The following LAS1L variants were observed in gnomAD, a reference collection of about 807,000 sequenced individuals.
The protein encoded by LAS1L is ribosomal biogenesis protein LAS1L.
In LAS1L, 5 loss-of-function variants were observed where a neutral mutation model predicts 57.3. The ratio of observed to expected loss-of-function variants is 0.09; its 90% CI spans 0.05 to 0.18. The LOEUF (loss-of-function observed/expected upper bound fraction) is 0.18. LAS1L is among the 10% of genes least tolerant of loss of function. LAS1L has a pLI of 1.00. For synonymous variants in LAS1L, 245 were observed against 231.7 expected, an observed-to-expected ratio of 1.06 and a Z score of -0.52; for missense variants, 360 against 568.3, an observed-to-expected ratio of 0.63 and a Z score of 3.73.
chrX:65,517,892 C>A, intron 12 of LAS1L, 95 bp downstream of exon 12: 3 of 1,102,016 alleles, frequency 2.7e-6, no homozygotes, highest in Non-Finnish European at 3.6e-6. Flanking sequence ...CATTGGCTAC[C>A]TCCTGCTACT....
At chrX:65,530,652 C>CA (rs774607692) in intron 4 of LAS1L, among the ~76,000 whole-genome samples, 38 of 98,705 alleles carry the variant, frequency 3.8e-4, no homozygotes, top group East Asian at 1.2e-3. Flanking sequence ...ACTAAAAATA[C>CA]AAAAAAAAAA....
At chrX:65,527,104 C>A (rs998352442) in intron 7 of LAS1L, among the ~76,000 whole-genome samples, 6 of 101,361 alleles carry the variant, frequency 5.9e-5, no homozygotes, top group African/African-American at 1.1e-4. Context: ...CCCAGCTTCT[C>A]GGGGAGGCTG....
intron 13 of LAS1L, 140 bp from the exon 14 acceptor site, chrX:65,513,041 G>GA: frequency 1.6e-6 from 1 of 631,761 alleles, no homozygotes. Flanking sequence ...GCAAATCCGA[G>GA]AAACGACTTC....
chrX:65,515,600 G>C (rs980582938), intron 12 of LAS1L, among the ~76,000 whole-genome samples: 2 of 109,993 alleles, frequency 1.8e-5, no homozygotes, highest in African/African-American at 6.6e-5. Flanking sequence ...TGCAGTTCTT[G>C]CCCCAAGATG....
intron 7 of LAS1L, 120 bp downstream of exon 7, chrX:65,528,140 G>T: frequency 2.1e-6 from 1 of 485,963 alleles, no homozygotes; most frequent in Non-Finnish European, 3.6e-6. Context: ...AGGGGATCAG[G>T]ATTATCCCTG....
chrX:65,534,389 G>T, intron 1 of LAS1L, 91 bp downstream of exon 1: 1 of 684,283 alleles, frequency 1.5e-6, no homozygotes, highest in South Asian at 2.8e-5. Context: ...CTTAGGGGAA[G>T]ACTGGAGAAC....
intron 11 of LAS1L, chrX:65,518,966 C>A (rs899886911): frequency 1.3e-6 from 1 of 751,831 alleles, no homozygotes; most frequent in Non-Finnish European, 1.6e-6. Context: ...AAACTGTGAT[C>A]CCTTTATGGG....
chrX:65,522,490 C>G (rs937489450), intron 11 of LAS1L: 2 of 110,920 alleles, frequency 1.8e-5, no homozygotes, highest in African/African-American at 6.6e-5. Flanking sequence ...CTCAGCTACC[C>G]GGGCTGAGGA....
rs148898381 is a variant in LAS1L at position 65,520,125 on chromosome X, G to A, written c.1449-1660C>T. Among the ~76,000 whole-genome samples, 254 of 111,590 alleles carry A rather than the reference G, an allele frequency of 2.3e-3. 2 individuals are homozygous for A. Among genetic ancestry groups the A allele is most frequent in the African/African-American group, 7.8e-3 (241 of 30,729 alleles). On this transcript the variant is annotated intron_variant, in intron 11 of 13. Coordinates refer to ENST00000374811, the MANE Select transcript of LAS1L (RefSeq NM_031206.7). ...TTAGTCTGACCACTAAGGTGCGGGG[G>A]TGATGCGAATCTTAAAATACACCCC... is the stretch of plus-strand genomic sequence containing the variant.
At chrX:65,533,924 G>A (rs894707804) in intron 1 of LAS1L, among the ~76,000 whole-genome samples, 189 bp from the exon 2 acceptor site, 9 of 111,880 alleles carry the variant, frequency 8.0e-5, no homozygotes, top group African/African-American at 2.9e-4. Flanking sequence ...AGGGCATGAG[G>A]AGCTGACTAG....
rs746183638 is a variant in LAS1L at position 65,534,664 on chromosome X, G to T, written c.52C>A (p.Leu18Ile). Residue 18 changes from leucine (L) to isoleucine (I), a missense_variant, in exon 1 of 14, where the codon CTC becomes ATC. Physicochemically the swap from Leu to Ile is conservative, Grantham distance 5. Transcript: ENST00000374811. Reference sequence around the variant, plus strand: ...TTTCCGTACCACGCACTCCACACGAGATCCATCCCCTGGGAACCTAGACCT... The same window carrying T: ...TTTCCGTACCACGCACTCCACACGATATCCATCCCCTGGGAACCTAGACCT... ...GPGLGSQGMD[L>I]VWSAWYGKCV... 7.6e-6 allele frequency: 9 copies of T among 1,188,700 alleles called. No homozygotes were observed. Among genetic ancestry groups the T allele is most frequent in the Non-Finnish European group, 1.0e-5 (9 of 884,004 alleles).
Position 65,520,898 on chromosome X carries a change from T to C in LAS1L, c.1449-2433A>G, listed in dbSNP as rs1042819954. ...TTGTCACTCCCTCCCTCCCATTATA[T>C]ACACATGCCATGTTCCTTCTGGACT... On this transcript the variant is annotated intron_variant, in intron 11 of 13. Transcript: ENST00000374811. The C allele has an allele frequency of 6.6e-6, 5 of 752,196 alleles. No homozygotes were observed. The East Asian group carries it at 6.1e-4, about 92-fold the overall frequency. 62.0% of individuals were successfully genotyped at this position (752,196 alleles called of 1,213,427 possible). A position where few individuals can be genotyped will look rare whatever the true frequency, so the allele number is the denominator to read the frequency against.
Position 65,524,679 on chromosome X carries a change from C to T in LAS1L, c.1043-65G>A. On this transcript the variant is annotated intron_variant, in intron 8 of 13. Coordinates refer to ENST00000374811, the MANE Select transcript of LAS1L (RefSeq NM_031206.7). ...CCCCTCCAATTCTGCTGTTCTAGCT[C>T]TCTAGCTAGCAGCTAAATCACAACG... The T allele has an allele frequency of 1.4e-5, 7 of 511,330 alleles. No individual in the cohort carries two copies. In the South Asian group the frequency reaches 1.9e-4, roughly 14 times the overall value. The allele number at this position is 511,330 out of a possible 1,213,427, so 42.1% of individuals were successfully genotyped here.
chrX:65,526,750 G>A (rs139852983), intron 7 of LAS1L, among the ~76,000 whole-genome samples: 123 of 111,480 alleles, frequency 1.1e-3, no homozygotes, highest in African/African-American at 3.9e-3. Flanking sequence ...CATACTATGC[G>A]CCTGCTCTGG....
chrX:65,515,535 AC>A (rs751080894), intron 12 of LAS1L, among the ~76,000 whole-genome samples: 1 of 109,068 alleles, frequency 9.2e-6, no homozygotes, highest in African/African-American at 3.4e-5. Context: ...ATACACACAC[AC>A]CCCCATGCCC....
intron 1 of LAS1L, among the ~76,000 whole-genome samples, chrX:65,534,112 G>A (rs961152614): frequency 3.6e-5 from 4 of 111,684 alleles, no homozygotes; most frequent in Non-Finnish European, 7.5e-5. Context: ...CTGTCTTGCA[G>A]GCAAGACTTC....
At chrX:65,521,893 GGA>G (rs919619368) in intron 11 of LAS1L, 1 of 111,458 alleles carries the variant, frequency 9.0e-6, no homozygotes, top group African/African-American at 3.3e-5. Flanking sequence ...GTGAGGAAAT[GGA>G]GAGTGTTGAG....
At chrX:65,531,710 GC>G (rs2069504140) in intron 3 of LAS1L, among the ~76,000 whole-genome samples, 1 of 112,203 alleles carries the variant, frequency 8.9e-6, no homozygotes, top group African/African-American at 3.2e-5. Flanking sequence ...CACTTTGGGA[GC>G]CCAGGGCAGG....
chrX:65,517,922 A>G, intron 12 of LAS1L, 65 bp downstream of exon 12: 1 of 1,132,986 alleles, frequency 8.8e-7, no homozygotes, highest in Non-Finnish European at 1.2e-6. Context: ...TTCCTAGGGT[A>G]GAAGGAAGCC....
Sources: allele counts gnomAD v4.1 joint callset (sites outside exome capture counted in the v4.1 genomes callset), GRCh38; gene constraint gnomAD v4.1.1; transcripts MANE v1.5; gene names NCBI Gene and HGNC (gene_info 2026-07-23, HGNC 2026-07-21).